Variants in MROH1 observed in about 807,000 individuals in gnomAD.
MROH1 encodes the protein maestro heat-like repeat-containing protein family member 1.
A neutral mutation model predicts 116.5 loss-of-function variants in MROH1; 117 were observed. The observed-to-expected ratio is 1.00, with a 90% CI of 0.86 to 1.17. The LOEUF (loss-of-function observed/expected upper bound fraction) is 1.17. Among genes scored for constraint, MROH1 ranks in the 50% most tolerant of loss-of-function variants. MROH1 has a pLI of 0.00. For missense variants in MROH1, 1,873 were observed against 1,338.5 expected, an observed-to-expected ratio of 1.40 and a Z score of -6.23; for synonymous variants, 921 against 583.9, an observed-to-expected ratio of 1.58 and a Z score of -8.32.
At chr8:144,189,962 G>GT (rs1351149133) in intron 7 of MROH1, among the ~76,000 whole-genome samples, 3 of 152,206 alleles carry the variant, frequency 2.0e-5, no homozygotes, top group African/African-American at 7.2e-5. Flanking sequence ...CAACAGAAAT[G>GT]TATTTTCTCA....
chr8:144,148,040 AGGCGGCGCCCCGGCCGAGGTGGC>A lies in MROH1; in HGVS notation c.-206_-184del, dbSNP rs1815832683. On this transcript the variant is annotated 5_prime_UTR_variant, in exon 1 of 44. Coordinates refer to ENST00000326134, the MANE Select transcript of MROH1 (RefSeq NM_032450.3). ...CACTCCGGGCCCCTGCTGGGCGGGA[AGGCGGCGCCCCGGCCGAGGTGGC>A]GGCGGCTCCTCAGGTAAACGGCGGG... is the stretch of plus-strand genomic sequence containing the variant. 1 of 152,104 alleles carries A rather than the reference AGGCGGCGCCCCGGCCGAGGTGGC, an allele frequency of 6.6e-6. No homozygotes were observed. The highest frequency in any genetic ancestry group is 2.1e-4 in the South Asian group (1 of 4,834). The allele number at this position is 152,104 out of a possible 1,614,324, so 9.4% of individuals were successfully genotyped here.
At chr8:144,175,452 G>C (rs1208252860) in intron 4 of MROH1, 9 of 977,212 alleles carry the variant, frequency 9.2e-6, no homozygotes, top group Non-Finnish European at 1.1e-5. Context: ...GATAGAACCA[G>C]ACCAATTTAC....
At chr8:144,228,702 TCCAC>T (rs1175061303) in intron 14 of MROH1, among the ~76,000 whole-genome samples, 1 of 152,178 alleles carries the variant, frequency 6.6e-6, no homozygotes, top group Non-Finnish European at 1.5e-5. Context: ...GACCTCATGA[TCCAC>T]CCGCCTCGGC....
At chr8:144,201,243 T>A (rs1460173605) in intron 12 of MROH1, 2 of 152,068 alleles carry the variant, frequency 1.3e-5, no homozygotes, top group Non-Finnish European at 2.9e-5. Context: ...TTTTTTTTAG[T>A]AGAGACAGGG....
rs1046097686 is a variant in MROH1, at chr8:144,161,015, C to T, written c.-131C>T. On this transcript the variant is annotated 5_prime_UTR_variant, in exon 2 of 44. Coordinates refer to ENST00000326134, the MANE Select transcript of MROH1 (RefSeq NM_032450.3). ...TGTCAGCCGCCAGCTGAGGGCCATT[C>T]GCAGCTTCTCCAGGCCACCTGCATT... The T allele has an allele frequency of 6.5e-6, 1 of 152,784 alleles. No individual in the cohort carries two copies. Among genetic ancestry groups the T allele is most frequent in the African/African-American group, 2.4e-5 (1 of 41,454 alleles). The allele number at this position is 152,784 out of a possible 1,614,324, so 9.5% of individuals were successfully genotyped here.
intron 1 of MROH1, among the ~76,000 whole-genome samples, chr8:144,157,551 T>TA (rs1434713147): frequency 1.4e-4 from 22 of 152,280 alleles, no homozygotes; most frequent in African/African-American, 5.3e-4. Flanking sequence ...GGGAAGGTTT[T>TA]TTACTATGAG....
chr8:144,250,679 A>T (rs1842707115), intron 33 of MROH1: 1 of 458,692 alleles, frequency 2.2e-6, no homozygotes, highest in East Asian at 4.4e-5. Flanking sequence ...TGTTGGCCCC[A>T]GGCTCCAGCA....
chr8:144,148,386 C>T (rs1431825716), intron 1 of MROH1, among the ~76,000 whole-genome samples: 1 of 152,144 alleles, frequency 6.6e-6, no homozygotes, highest in African/African-American at 2.4e-5. Context: ...GTCCCCGGTG[C>T]CCGCCCCTCC....
intron 10 of MROH1, among the ~76,000 whole-genome samples, chr8:144,195,656 ATAACCTTG>A (rs1332850140): frequency 1.3e-5 from 2 of 151,910 alleles, no homozygotes; most frequent in Admixed American, 6.6e-5. Context: ...GCAGTTATTT[ATAACCTTG>A]TATTATATAT....
rs1325996789 is a variant in MROH1 at position 144,256,204 on chromosome 8, GCA to G, written c.3791+502_3791+503del. ...TCCTACACACCTGCCTGGGGCCATA[GCA>G]CAGACAGAGGAGGCTGACACCCTGG... is the stretch of plus-strand genomic sequence containing the variant. On this transcript the variant is annotated intron_variant, in intron 35 of 43. Transcript: ENST00000326134. 1.2e-4 allele frequency among the ~76,000 whole-genome samples: 19 copies of G among 152,170 alleles called. 1 individual carries two copies. Among genetic ancestry groups the G allele is most frequent in the African/African-American group, 4.1e-4 (17 of 41,430 alleles).
chr8:144,187,874 G>C (rs957159620), intron 7 of MROH1, among the ~76,000 whole-genome samples: 6 of 152,188 alleles, frequency 3.9e-5, no homozygotes, highest in African/African-American at 1.4e-4. Flanking sequence ...GGCTTTATGG[G>C]GACCGATGGC....
chr8:144,162,084 C>CTTTTT (rs1179685748), intron 2 of MROH1, among the ~76,000 whole-genome samples: 1 of 136,124 alleles, frequency 7.3e-6, no homozygotes. Flanking sequence ...TTTTTCTTTT[C>CTTTTT]TTTTTTTTTT....
chr8:144,257,740 G>A (rs1429796396), intron 35 of MROH1, among the ~76,000 whole-genome samples: 1 of 152,240 alleles, frequency 6.6e-6, no homozygotes, highest in Non-Finnish European at 1.5e-5. Context: ...GGCAGGAGGT[G>A]ACCAGGGCAG....
chr8:144,157,954 G>C (rs1455353721), intron 1 of MROH1, among the ~76,000 whole-genome samples: 1 of 150,000 alleles, frequency 6.7e-6, no homozygotes, highest in Admixed American at 6.7e-5. Context: ...TGGGATTACA[G>C]GCATGAGCCA....
At chr8:144,246,108 T>C (rs1211508570) in intron 29 of MROH1, among the ~76,000 whole-genome samples, 2 of 134,320 alleles carry the variant, frequency 1.5e-5, no homozygotes, top group Admixed American at 7.6e-5. Context: ...CCTTCCTTTC[T>C]TTCCTTTCTT....
At chr8:144,166,677 G>C (rs980145287) in intron 3 of MROH1, among the ~76,000 whole-genome samples, 1 of 151,938 alleles carries the variant, frequency 6.6e-6, no homozygotes, top group Admixed American at 6.6e-5. Flanking sequence ...GAGGTGGGGT[G>C]GTGAGAAGCG....
rs979970366 is a variant in MROH1, at chr8:144,227,416, A to G, written c.1338+4186A>G. Among the ~76,000 whole-genome samples the G allele has an allele frequency of 4.6e-5, 7 of 152,040 alleles. No individual in the cohort carries two copies. The East Asian group carries it at 1.3e-3, about 29-fold the overall frequency. Reference sequence around the variant, plus strand: ...TTTGGGAGGCTGAGGCGGGCAGATCATTCAATCTCCTTGAGTTCAGGAGTT... The same window carrying G: ...TTTGGGAGGCTGAGGCGGGCAGATCGTTCAATCTCCTTGAGTTCAGGAGTT... On this transcript the variant is annotated intron_variant, in intron 14 of 43. Transcript: ENST00000326134.
chr8:144,234,316 A>AT (rs1839568491), intron 14 of MROH1, among the ~76,000 whole-genome samples: 1 of 151,942 alleles, frequency 6.6e-6, no homozygotes, highest in Non-Finnish European at 1.5e-5. Context: ...CTGTAGTTCC[A>AT]TTTTAACAAT....
chr8:144,220,528 C>A, intron 12 of MROH1, 72 bp from the exon 13 acceptor site: 1 of 1,396,528 alleles, frequency 7.2e-7, no homozygotes, highest in Non-Finnish European at 9.9e-7. Flanking sequence ...AGCCAGGCCC[C>A]TGGTGATGTG....
Sources: gnomAD v4.1 joint callset for allele counts (sites outside exome capture counted in the v4.1 genomes callset) on GRCh38, gnomAD v4.1.1 for gene constraint, MANE v1.5 for transcripts, NCBI Gene and HGNC (gene_info 2026-07-23, HGNC 2026-07-21) for gene names.